Variants in HTR2C observed in about 807,000 individuals in gnomAD.
HTR2C encodes 5-hydroxytryptamine receptor 2C, also known as 5-hydroxytryptamine (serotonin) receptor 2C, G protein-coupled.
In HTR2C, 5 loss-of-function variants were observed where a neutral mutation model predicts 21.0. The ratio of observed to expected loss-of-function variants is 0.24; its 90% CI spans 0.12 to 0.50. The LOEUF is 0.50. Among genes scored for constraint, HTR2C ranks in the 20% least tolerant of loss-of-function variants. HTR2C has a pLI of 0.98. For missense variants in HTR2C, 271 were observed against 371.2 expected (o/e 0.73, Z 2.22); for synonymous variants, 150 against 145.3 (o/e 1.03, Z -0.23).
intron 2 of HTR2C, among the ~76,000 whole-genome samples, chrX:114,614,085 C>A (rs1386646564): frequency 9.2e-6 from 1 of 108,718 alleles, no homozygotes; most frequent in African/African-American, 3.4e-5. Context: ...AAAAAAAACT[C>A]GGCTTATTTT....
chrX:114,835,329 A>C (rs2070771305), intron 4 of HTR2C, among the ~76,000 whole-genome samples: 1 of 106,414 alleles, frequency 9.4e-6, no homozygotes, highest in Non-Finnish European at 1.9e-5. Context: ...TCTCCCCATC[A>C]CTTTCAGGTA....
chrX:114,844,644 T>A (rs1305802423), intron 4 of HTR2C, among the ~76,000 whole-genome samples: 3 of 111,887 alleles, frequency 2.7e-5, no homozygotes, highest in Non-Finnish European at 5.7e-5. Context: ...AGGACACATG[T>A]ATGTTGAAAG....
At position 114,682,885 on chromosome X, in the gene HTR2C, T is replaced by C. The variant is rs781829952; in HGVS notation, c.-79-43973T>C. Among the ~76,000 whole-genome samples, 5 of 112,109 alleles carry C rather than the reference T, an allele frequency of 4.5e-5. No individual in the cohort carries two copies. In the Admixed American group the frequency reaches 4.8e-4, roughly 11 times the overall value. ...TATAACTACTTGAAAAGGAGCAATT[T>C]GCCTTTGTTCACTTCATTCGAAGAT... On this transcript the variant is annotated intron_variant, in intron 2 of 5. Transcript: ENST00000276198.
intron 2 of HTR2C, among the ~76,000 whole-genome samples, chrX:114,621,221 A>G (rs914045925): frequency 9.0e-6 from 1 of 111,702 alleles, no homozygotes; most frequent in Admixed American, 9.6e-5. Flanking sequence ...ATTTCCATGG[A>G]CTACACTTGG....
At chrX:114,831,419 G>T (rs1464038408) in intron 4 of HTR2C, among the ~76,000 whole-genome samples, 99 of 98,256 alleles carry the variant, frequency 1.0e-3, no homozygotes, top group African/African-American at 3.1e-3. Flanking sequence ...ATCTCCTAGT[G>T]GTTTTGATTT....
At chrX:114,823,327 C>A (rs74800459) in intron 4 of HTR2C, 7 of 315,294 alleles carry the variant, frequency 2.2e-5, no homozygotes, top group Non-Finnish European at 3.7e-5. Flanking sequence ...ACAACCAGTT[C>A]ATCAGGAAAA....
chrX:114,907,736 A>G lies in HTR2C; in HGVS notation c.*321A>G. 1 of 195,304 alleles carries G rather than the reference A, an allele frequency of 5.1e-6. No individual in the cohort carries two copies. The highest frequency in any genetic ancestry group is 9.7e-5 in the East Asian group (1 of 10,279). 16.1% of individuals were successfully genotyped at this position (195,304 alleles called of 1,213,427 possible). A position where few individuals can be genotyped will look rare whatever the true frequency, so the allele number is the denominator to read the frequency against. ...CTCTCTTTCTTTTGTGCATATGGCA[A>G]CGTTCATGTTCATCTCAGGTGGCAT... is the stretch of plus-strand genomic sequence containing the variant. On this transcript the variant is annotated 3_prime_UTR_variant, in exon 6 of 6. Coordinates refer to ENST00000276198, the MANE Select transcript of HTR2C (RefSeq NM_000868.4).
intron 4 of HTR2C, among the ~76,000 whole-genome samples, chrX:114,734,564 TAAAAAAAAAAA>T (rs61672860): frequency 2.9e-5 from 1 of 34,316 alleles, no homozygotes; most frequent in Non-Finnish European, 5.0e-5. Context: ...GCCTTACATG[TAAAAAAAAAAA>T]AAAAAAAAAA....
At chrX:114,698,597 T>G (rs1285027320) in intron 2 of HTR2C, among the ~76,000 whole-genome samples, 1 of 111,908 alleles carries the variant, frequency 8.9e-6, no homozygotes, top group African/African-American at 3.2e-5. Context: ...CTTAAAAAAT[T>G]TATGACCAAA....
At chrX:114,706,109 G>A (rs1348997791) in intron 2 of HTR2C, among the ~76,000 whole-genome samples, 1 of 29,766 alleles carries the variant, frequency 3.4e-5, no homozygotes. Context: ...CACTGTTGGT[G>A]GGACTGTAAA....
At chrX:114,646,741 C>A (rs1426385596) in intron 2 of HTR2C, among the ~76,000 whole-genome samples, 1 of 111,946 alleles carries the variant, frequency 8.9e-6, no homozygotes, top group African/African-American at 3.2e-5. Context: ...TCTAAAAAAT[C>A]ATTGCTGAGA....
intron 4 of HTR2C, among the ~76,000 whole-genome samples, chrX:114,753,076 A>G (rs1163342098): frequency 9.8e-6 from 1 of 102,561 alleles, no homozygotes; most frequent in African/African-American, 3.5e-5. Context: ...GGGGAACTCA[A>G]TACTTGAAGA....
intron 4 of HTR2C, among the ~76,000 whole-genome samples, chrX:114,779,768 T>A (rs1397205984): frequency 8.9e-6 from 1 of 112,123 alleles, no homozygotes. Context: ...TCAACTTATT[T>A]GTAGGAGGAT....
chrX:114,650,488 C>T (rs1930518637), intron 2 of HTR2C, among the ~76,000 whole-genome samples: 1 of 111,452 alleles, frequency 9.0e-6, no homozygotes. Flanking sequence ...TTGGTGTTCT[C>T]TCTGGAACAC....
At chrX:114,892,831 T>C (rs1487755702) in intron 5 of HTR2C, among the ~76,000 whole-genome samples, 1 of 110,426 alleles carries the variant, frequency 9.1e-6, no homozygotes, top group East Asian at 2.8e-4. Context: ...AATTAATCTA[T>C]AGATTCATAT....
chrX:114,884,667 G>A (rs1312529075), intron 5 of HTR2C, among the ~76,000 whole-genome samples: 1 of 111,574 alleles, frequency 9.0e-6, no homozygotes, highest in African/African-American at 3.2e-5. Context: ...GTATTGCTGA[G>A]GATGTGGAGA....
At chrX:114,807,141 A>ACG (rs2070471591) in intron 4 of HTR2C, among the ~76,000 whole-genome samples, 2 of 10,434 alleles carry the variant, frequency 1.9e-4, no homozygotes, top group African/African-American at 5.0e-4. Context: ...CCATATATAT[A>ACG]CCATATATAC....
intron 4 of HTR2C, among the ~76,000 whole-genome samples, chrX:114,843,418 G>A (rs2070849939): frequency 9.0e-6 from 1 of 111,535 alleles, no homozygotes. Context: ...GGTCAATTGT[G>A]ATTATCCAGT....
At chrX:114,606,977 G>T (rs1299551374) in intron 1 of HTR2C, among the ~76,000 whole-genome samples, 1 of 108,442 alleles carries the variant, frequency 9.2e-6, no homozygotes, top group Non-Finnish European at 1.9e-5. Context: ...TTTGTTCTCT[G>T]GCGGGCAGGA....
Sources: gnomAD v4.1 joint callset for allele counts (sites outside exome capture counted in the v4.1 genomes callset) on GRCh38, gnomAD v4.1.1 for gene constraint, MANE v1.5 for transcripts, NCBI Gene and HGNC (gene_info 2026-07-23, HGNC 2026-07-21) for gene names.